GAS7: variants seen among roughly 807,000 people sequenced by gnomAD.
GAS7 encodes growth arrest specific 7.
GAS7 carries 28 observed loss-of-function variants against 71.1 expected under a neutral mutation model. That is an observed-to-expected ratio of 0.39 (90% CI 0.29 to 0.54). The LOEUF (loss-of-function observed/expected upper bound fraction) is 0.54. Ranked by LOEUF, GAS7 falls within the 20% of genes least tolerant of loss-of-function variation. The pLI is 0.62. For missense variants in GAS7, 436 were observed against 627.8 expected (o/e 0.69, Z 3.27); for synonymous variants, 258 against 245.8 (o/e 1.05, Z -0.46).
At chr17:9,928,115 A>ATT (rs540014843) in intron 9 of GAS7, among the ~76,000 whole-genome samples, 174 of 144,686 alleles carry the variant, frequency 1.2e-3, no homozygotes, top group African/African-American at 4.3e-3. Flanking sequence ...TTTTTTATTT[A>ATT]TTTATTTATT....
intron 1 of GAS7, 70 bp downstream of exon 1, chr17:10,198,138 G>T: frequency 2.0e-6 from 3 of 1,464,400 alleles, no homozygotes; most frequent in East Asian, 2.3e-5. Flanking sequence ...TCCCCGGAAC[G>T]GGCAACAGGT....
Position 9,934,203 on chromosome 17 carries a change from G to A in GAS7, c.848C>T (p.Ala283Val), listed in dbSNP as rs779042022. ...EAWAQVKKSL[A>V]DEAEVHLKFS... ...CTTGAGGTGAACTTCTGCTTCGTCC[G>A]CCAGGCTCTTCTTCACCTGGGCCCA... Residue 283 changes from alanine to valine, a missense_variant, in exon 9 of 14, where the codon GCG becomes GTG. Physicochemically the swap from Ala to Val is moderately conservative, Grantham distance 64. Coordinates refer to ENST00000432992, the MANE Select transcript of GAS7 (RefSeq NM_201433.2). The A allele has an allele frequency of 1.4e-5, 23 of 1,612,496 alleles. No homozygotes were observed. The highest frequency in any genetic ancestry group is 5.3e-5 in the African/African-American group (4 of 74,830).
intron 1 of GAS7, among the ~76,000 whole-genome samples, chr17:10,153,038 C>CAAAAAAAAAA (rs397857973): frequency 1.3e-5 from 1 of 75,970 alleles, no homozygotes; most frequent in African/African-American, 4.4e-5. Context: ...ACTAAAAATA[C>CAAAAAAAAAA]AAAAAAAAAA....
chr17:10,042,274 GAC>G (rs1331332686), intron 1 of GAS7, among the ~76,000 whole-genome samples: 1 of 139,446 alleles, frequency 7.2e-6, no homozygotes, highest in African/African-American at 2.7e-5. Context: ...CGGCCTGGGT[GAC>G]AGAGCGAGAC....
chr17:10,121,023 C>T (rs1359460218), intron 1 of GAS7, among the ~76,000 whole-genome samples: 1 of 152,258 alleles, frequency 6.6e-6, no homozygotes, highest in East Asian at 1.9e-4. Flanking sequence ...CAACGGTCCT[C>T]CATCTCCTCT....
intron 1 of GAS7, among the ~76,000 whole-genome samples, chr17:10,059,170 G>T (rs1260712845): frequency 6.6e-6 from 1 of 152,200 alleles, no homozygotes; most frequent in Non-Finnish European, 1.5e-5. Context: ...GGCAGAGCGT[G>T]TCACCTCTCT....
intron 12 of GAS7, 105 bp from the exon 13 acceptor site, chr17:9,918,204 C>A: frequency 1.4e-6 from 1 of 727,434 alleles, no homozygotes. Flanking sequence ...GACATTCTGT[C>A]CCATCTGACT....
intron 1 of GAS7, among the ~76,000 whole-genome samples, chr17:10,074,501 C>T (rs2073371637): frequency 6.6e-6 from 1 of 152,182 alleles, no homozygotes; most frequent in African/African-American, 2.4e-5. Flanking sequence ...GACAAAGATG[C>T]TATTTTCCCC....
At chr17:10,149,399 G>A (rs1465942119) in intron 1 of GAS7, among the ~76,000 whole-genome samples, 1 of 152,138 alleles carries the variant, frequency 6.6e-6, no homozygotes, top group Non-Finnish European at 1.5e-5. Context: ...CACCGCGCCC[G>A]GCCCCATTTT....
At chr17:10,173,288 C>G (rs1357027526) in intron 1 of GAS7, among the ~76,000 whole-genome samples, 1 of 151,890 alleles carries the variant, frequency 6.6e-6, no homozygotes, top group Non-Finnish European at 1.5e-5. Context: ...TGTGAATGTA[C>G]CAAATGCCAC....
chr17:10,167,094 G>A (rs530409406), intron 1 of GAS7, among the ~76,000 whole-genome samples: 6 of 106,292 alleles, frequency 5.6e-5, no homozygotes, highest in Admixed American at 4.3e-4. Context: ...TTTCACTCTC[G>A]TTGCCCAGGC....
intron 2 of GAS7, among the ~76,000 whole-genome samples, chr17:9,985,806 C>T (rs943078455): frequency 2.0e-5 from 3 of 152,186 alleles, no homozygotes; most frequent in Non-Finnish European, 4.4e-5. Context: ...TCTGAAGGCC[C>T]CTCCCAGCTC....
intron 1 of GAS7, among the ~76,000 whole-genome samples, chr17:10,046,741 A>AG (rs1367048294): frequency 7.1e-6 from 1 of 141,442 alleles, no homozygotes; most frequent in African/African-American, 3.0e-5. Context: ...GTCTCAAAAA[A>AG]AAAAAAAGAA....
intron 1 of GAS7, among the ~76,000 whole-genome samples, chr17:10,060,556 G>A (rs867332571): frequency 3.9e-5 from 6 of 152,052 alleles, no homozygotes; most frequent in African/African-American, 9.6e-5. Context: ...CAGTCCCCAA[G>A]ACAGAATGCC....
At chr17:10,005,624 AC>A (rs1197163858) in intron 2 of GAS7, among the ~76,000 whole-genome samples, 1 of 152,158 alleles carries the variant, frequency 6.6e-6, no homozygotes, top group Non-Finnish European at 1.5e-5. Context: ...CCAGATGTTT[AC>A]GAAAAAAACT....
chr17:10,176,295 A>C lies in GAS7; in HGVS notation c.183+21913T>G, dbSNP rs1284641833. Reference sequence around the variant, plus strand: ...AGGAGAAAGGATGACCACAGCAGAGAGGTGAGGGGTTAGACCAAGCCACCT... The same window carrying C: ...AGGAGAAAGGATGACCACAGCAGAGCGGTGAGGGGTTAGACCAAGCCACCT... On this transcript the variant is annotated intron_variant, in intron 1 of 13. Transcript: ENST00000432992. 5.3e-5 allele frequency among the ~76,000 whole-genome samples: 8 copies of C among 152,292 alleles called. No homozygotes were observed. The East Asian group carries it at 1.5e-3, about 29-fold the overall frequency.
chr17:10,177,141 G>C (rs553471795), intron 1 of GAS7, among the ~76,000 whole-genome samples: 2 of 152,186 alleles, frequency 1.3e-5, no homozygotes, highest in South Asian at 4.1e-4. Context: ...CCCCATGCAA[G>C]CCAGCAGAAG....
chr17:10,095,580 C>T (rs527349892), intron 1 of GAS7, among the ~76,000 whole-genome samples: 10 of 152,084 alleles, frequency 6.6e-5, no homozygotes, highest in Non-Finnish European at 1.0e-4. Flanking sequence ...CCAGCATTTT[C>T]GGAGGCTGAG....
In GAS7 at chr17:9,969,620, G is replaced by A; in HGVS notation, c.471+57C>T. 1 of 1,069,006 alleles carries A rather than the reference G, an allele frequency of 9.4e-7. No homozygotes were observed. Among genetic ancestry groups the A allele is most frequent in the Non-Finnish European group, 1.5e-6 (1 of 686,042 alleles). 66.2% of individuals were successfully genotyped at this position (1,069,006 alleles called of 1,614,324 possible). On this transcript the variant is annotated intron_variant, in intron 4 of 13. Coordinates refer to ENST00000432992, the MANE Select transcript of GAS7 (RefSeq NM_201433.2). The surrounding 1 kb of genome is among the most constrained non-coding windows in gnomAD (Gnocchi z 5.5). ...CTCCCATGATGGACTTTGTAATGCAGTTTCCTAGGCCTGCAGAAGCAGTGA... is the reference window on the plus strand; with the variant it reads ...CTCCCATGATGGACTTTGTAATGCAATTTCCTAGGCCTGCAGAAGCAGTGA...
Sources: gnomAD v4.1 joint callset for allele counts (sites outside exome capture counted in the v4.1 genomes callset) on GRCh38, gnomAD v4.1.1 for gene constraint, Gnocchi (gnomAD v3.1) non-coding constraint, MANE v1.5 for transcripts, NCBI Gene and HGNC (gene_info 2026-07-23, HGNC 2026-07-21) for gene names.